The following PIH1D2 variants were observed in gnomAD, a reference collection of about 807,000 sequenced individuals.
The protein encoded by PIH1D2 is PIH1 domain-containing protein 2.
PIH1D2 carries 25 observed loss-of-function variants against 31.2 expected under a neutral mutation model. That is an observed-to-expected ratio of 0.80 (90% CI 0.58 to 1.12). The LOEUF is 1.12. Ranked by LOEUF, PIH1D2 falls within the 50% of genes most tolerant of loss-of-function variation. PIH1D2 has a pLI of 0.00. For synonymous variants in PIH1D2, 116 were observed against 119.9 expected, an observed-to-expected ratio of 0.97 and a Z score of 0.21; for missense variants, 310 against 356.6, an observed-to-expected ratio of 0.87 and a Z score of 1.05.
chr11:112,053,598 A>G, the PIH1D2 span, among the ~76,000 whole-genome samples: 2 of 151,840 alleles, frequency 1.3e-5, no homozygotes, highest in Admixed American at 1.3e-4. Context: ...GATTACAGGC[A>G]TGCGCCACCA....
chr11:112,061,129 T>C (rs782177994), downstream of PIH1D2: 6 of 1,614,056 alleles, frequency 3.7e-6, no homozygotes, highest in East Asian at 2.2e-5. Flanking sequence ...ATTTTGGCAA[T>C]TGGTGCTTCA....
downstream of PIH1D2, chr11:112,061,004 AAC>A (rs1592734570): frequency 6.6e-7 from 1 of 1,523,572 alleles, no homozygotes; most frequent in African/African-American, 1.5e-5. Context: ...TATGTTGACA[AAC>A]TATAATTTAT....
intron 1 of PIH1D2, 30 bp from the exon 2 acceptor site, chr11:112,073,235 A>G: frequency 7.0e-7 from 1 of 1,418,570 alleles, no homozygotes; most frequent in Non-Finnish European, 9.6e-7. Context: ...CAGGAAGAAA[A>G]CTGTCTGTGT....
At chr11:112,058,516 G>A (rs1403525084), downstream of PIH1D2, among the ~76,000 whole-genome samples, 2 of 147,400 alleles carry the variant, frequency 1.4e-5, no homozygotes, top group Admixed American at 7.0e-5. Context: ...ACTTTTTCTC[G>A]ATTGCAGAAC....
At chr11:112,057,573 G>A in the PIH1D2 span, among the ~76,000 whole-genome samples, 2 of 152,162 alleles carry the variant, frequency 1.3e-5, no homozygotes. Context: ...ATTAAACCAG[G>A]TACAGCATTC....
downstream of PIH1D2, chr11:112,062,308 G>T (rs587653783): frequency 1.7e-5 from 22 of 1,283,130 alleles, 1 homozygote; most frequent in African/African-American, 3.2e-4. Flanking sequence ...AGTATTACCT[G>T]GTTGGGATTA....
downstream of PIH1D2, chr11:112,061,287 A>T (rs1864604625): frequency 9.1e-7 from 1 of 1,099,528 alleles, no homozygotes; most frequent in East Asian, 2.4e-5. Context: ...ATCGTGATCC[A>T]CAATGCTCAA....
chr11:112,071,628 T>C lies in PIH1D2; in HGVS notation c.301+7A>G. The C allele has an allele frequency of 6.2e-7, 1 of 1,612,886 alleles. No homozygotes were observed. The highest frequency in any genetic ancestry group is 8.5e-7 in the Non-Finnish European group (1 of 1,179,096). On this transcript the variant is annotated splice_region_variant and intron_variant, in intron 3 of 5. Transcript: ENST00000280350. ...TTTACAATGTGCTTTCTCTCAATTA[T>C]TTGTACCTGATATCTCAGTTGTATC...
chr11:112,068,986 TTTTTTTTTTTTG>T (rs1369658700), intron 5 of PIH1D2, among the ~76,000 whole-genome samples: 1 of 139,528 alleles, frequency 7.2e-6, no homozygotes, highest in African/African-American at 3.1e-5. Context: ...TTTTTTGTTT[TTTTTTTTTTTTG>T]TTTTTTTTTT....
chr11:112,073,257 C>A, intron 1 of PIH1D2, 52 bp from the exon 2 acceptor site: 3 of 1,299,922 alleles, frequency 2.3e-6, no homozygotes, highest in East Asian at 4.8e-5. Context: ...ATTATTGATT[C>A]ATTTCTGCTT....
rs1555184513 is a variant in PIH1D2 at position 112,071,037 on chromosome 11, C to G, written c.547+1G>C. On this transcript the variant is annotated splice_donor_variant, in intron 4 of 5. Coordinates refer to ENST00000280350, the MANE Select transcript of PIH1D2 (RefSeq NM_138789.4). LOFTEE classifies it high-confidence loss of function. ...TTTTCCATTTACAATCATCAACTTACCCCTTCTCATTTTTTCTCTTAAATC... is the reference window on the plus strand; with the variant it reads ...TTTTCCATTTACAATCATCAACTTAGCCCTTCTCATTTTTTCTCTTAAATC... 6.2e-7 allele frequency: 1 copy of G among 1,611,578 alleles called. No homozygotes were observed. The highest frequency in any genetic ancestry group is 8.5e-7 in the Non-Finnish European group (1 of 1,179,342).
chr11:112,054,359 G>A, the PIH1D2 span, among the ~76,000 whole-genome samples: 1 of 151,936 alleles, frequency 6.6e-6, no homozygotes, highest in Non-Finnish European at 1.5e-5. Flanking sequence ...TCTATATTTG[G>A]TTAATTTTTT....
intron 5 of PIH1D2, among the ~76,000 whole-genome samples, chr11:112,069,477 G>T (rs1227029099): frequency 6.6e-6 from 1 of 152,100 alleles, no homozygotes; most frequent in Non-Finnish European, 1.5e-5. Context: ...AAAAGAAACT[G>T]CCTTCAAAAT....
intron 5 of PIH1D2, 64 bp downstream of exon 5, chr11:112,070,372 T>A (rs1865069857): frequency 6.5e-7 from 1 of 1,541,734 alleles, no homozygotes; most frequent in Non-Finnish European, 8.9e-7. Flanking sequence ...TTTGTTACTG[T>A]GGCATAATAT....
Position 112,070,552 on chromosome 11 carries a change from G to T in PIH1D2, c.697C>A (p.Pro233Thr). The T allele has an allele frequency of 1.2e-6, 2 of 1,614,082 alleles. No individual in the cohort carries two copies. The highest frequency in any genetic ancestry group is 1.7e-6 in the Non-Finnish European group (2 of 1,180,024). ...TGCACAATTTTTAGTTCATAGGCTG[G>T]CATCTTCATCTCCACCTGGATTTCA... ...STEIQVEMKM[P>T]AYELKIVHDH... The change falls in exon 5 of 6, where the codon CCA (proline) becomes ACA (threonine). Residue 233 changes from proline to threonine, a missense_variant. Pro to Thr is a conservative substitution (Grantham distance 38). Coordinates refer to ENST00000280350, the MANE Select transcript of PIH1D2 (RefSeq NM_138789.4).
the PIH1D2 span, among the ~76,000 whole-genome samples, chr11:112,056,639 A>C: frequency 1.3e-5 from 2 of 152,120 alleles, no homozygotes; most frequent in African/African-American, 4.8e-5. Flanking sequence ...GAGTATTTAC[A>C]TACAGTTATT....
At chr11:112,052,876 C>T in the PIH1D2 span, among the ~76,000 whole-genome samples, 1 of 152,020 alleles carries the variant, frequency 6.6e-6, no homozygotes, top group Non-Finnish European at 1.5e-5. Flanking sequence ...GGATCCCACC[C>T]TAAGTATCCG....
chr11:112,058,361 T>G (rs587716922), downstream of PIH1D2, among the ~76,000 whole-genome samples: 18 of 152,322 alleles, frequency 1.2e-4, no homozygotes, highest in South Asian at 3.7e-3. Context: ...AGCAGGTTCC[T>G]GTGTTTGTTT....
downstream of PIH1D2, chr11:112,067,735 A>G: frequency 1.6e-6 from 1 of 631,752 alleles, no homozygotes; most frequent in South Asian, 1.9e-5. Flanking sequence ...GGTGAAGAGA[A>G]AATCTCAGTC....
Sources: allele counts gnomAD v4.1 joint callset (sites outside exome capture counted in the v4.1 genomes callset), GRCh38; gene constraint gnomAD v4.1.1; transcripts MANE v1.5; gene names NCBI Gene and HGNC (gene_info 2026-07-23, HGNC 2026-07-21).